The following ZMYND8 variants were observed in gnomAD, a reference collection of about 807,000 sequenced individuals.
ZMYND8 encodes MYND-type zinc finger-containing chromatin reader ZMYND8.
A neutral mutation model predicts 140.8 loss-of-function variants in ZMYND8; 37 were observed. The ratio of observed to expected loss-of-function variants is 0.26; its 90% CI spans 0.20 to 0.35. ZMYND8 has a LOEUF of 0.35. Among genes scored for constraint, ZMYND8 ranks in the 10% least tolerant of loss-of-function variants. The probability of loss-of-function intolerance (pLI) is 1.00; values close to 1 mark genes in which losing one functional copy is unlikely to be tolerated. For missense variants in ZMYND8, 1,068 were observed against 1,570.0 expected (o/e 0.68, Z 5.40); for synonymous variants, 592 against 597.1 (o/e 0.99, Z 0.12).
At chr20:47,279,362 C>T (rs948705660) in intron 10 of ZMYND8, among the ~76,000 whole-genome samples, 1 of 151,984 alleles carries the variant, frequency 6.6e-6, no homozygotes, top group African/African-American at 2.4e-5. Context: ...ACCAGCTACT[C>T]AGGAGGCAGA....
At chr20:47,290,475 A>G (rs1346224232) in intron 6 of ZMYND8, among the ~76,000 whole-genome samples, 1 of 152,156 alleles carries the variant, frequency 6.6e-6, no homozygotes, top group Non-Finnish European at 1.5e-5. Context: ...ATAACCCTAT[A>G]AAAATGCACT....
At chr20:47,255,593 T>G (rs2074549813) in intron 12 of ZMYND8, among the ~76,000 whole-genome samples, 1 of 132,258 alleles carries the variant, frequency 7.6e-6, no homozygotes, top group Admixed American at 7.6e-5. Flanking sequence ...TGTGTGTGTG[T>G]GTATATATAT....
In ZMYND8 at chr20:47,214,987, G is replaced by A. The variant is rs1297630405; in HGVS notation, c.3485-2262C>T. Among the ~76,000 whole-genome samples the A allele has an allele frequency of 2.0e-5, 3 of 152,216 alleles. No individual in the cohort carries two copies. In the East Asian group the frequency reaches 5.8e-4, roughly 29 times the overall value. ...GATCCCAGCTACTCAAGAGGCTGAA[G>A]TGGGAGAATGGCTTGAGCTCAGGCC... On this transcript the variant is annotated intron_variant, in intron 21 of 22. Transcript: ENST00000471951.
In ZMYND8 at chr20:47,210,603, T is replaced by C; in HGVS notation, c.*158A>G. The C allele has an allele frequency of 9.1e-7, 1 of 1,094,018 alleles. No individual in the cohort carries two copies. The highest frequency in any genetic ancestry group is 1.4e-5 in the South Asian group (1 of 73,754). 67.8% of individuals were successfully genotyped at this position (1,094,018 alleles called of 1,614,324 possible). A position where few individuals can be genotyped will look rare whatever the true frequency, so the allele number is the denominator to read the frequency against. ...GTCAAAGCCGATGCTGGGTGTCCTGTAGTGTAGCAGCCCCCGCGCCGGGGG... is the reference window on the plus strand; with the variant it reads ...GTCAAAGCCGATGCTGGGTGTCCTGCAGTGTAGCAGCCCCCGCGCCGGGGG... On this transcript the variant is annotated 3_prime_UTR_variant, in exon 23 of 23. Transcript: ENST00000471951.
rs115789609 is a variant in ZMYND8, at chr20:47,269,747, G to A, written c.1480+6567C>T. Among the ~76,000 whole-genome samples, 341 of 152,284 alleles carry A rather than the reference G, an allele frequency of 2.2e-3. 2 individuals are homozygous for A. Among genetic ancestry groups the A allele is most frequent in the African/African-American group, 7.9e-3 (329 of 41,576 alleles). ...GCACTCTGGGTGGGGTGGAAAGGCAGAGTGAATGATTCACGCTAAATGTCC... is the reference window on the plus strand; with the variant it reads ...GCACTCTGGGTGGGGTGGAAAGGCAAAGTGAATGATTCACGCTAAATGTCC... On this transcript the variant is annotated intron_variant, in intron 11 of 22. Transcript: ENST00000471951.
At chr20:47,280,951 A>C in intron 10 of ZMYND8, among the ~76,000 whole-genome samples, 1 of 151,798 alleles carries the variant, frequency 6.6e-6, no homozygotes, top group Non-Finnish European at 1.5e-5. Context: ...CCAGGCCCCC[A>C]CCACTACCTC....
At chr20:47,276,213 C>A (rs1226381417) in intron 11 of ZMYND8, 101 bp downstream of exon 11, 3 of 1,408,164 alleles carry the variant, frequency 2.1e-6, no homozygotes, top group Middle Eastern at 2.7e-4. Flanking sequence ...CAGTTCCCCA[C>A]GATTGCTTGA....
At position 47,236,314 on chromosome 20, in the gene ZMYND8, C is replaced by T; in HGVS notation, c.2856+12G>A. On this transcript the variant is annotated intron_variant, in intron 16 of 22. Coordinates refer to ENST00000471951, the MANE Select transcript of ZMYND8 (RefSeq NM_001281775.3). ...GTCTGCCATCTCCACGGTAGCTCTC[C>T]CATCCACTCACTTTGCTAGTGTACT... 1 of 1,614,168 alleles carries T rather than the reference C, an allele frequency of 6.2e-7. No homozygotes were observed. The highest frequency in any genetic ancestry group is 8.5e-7 in the Non-Finnish European group (1 of 1,180,006).
At chr20:47,263,968 T>G (rs2075326883) in intron 11 of ZMYND8, among the ~76,000 whole-genome samples, 1 of 151,900 alleles carries the variant, frequency 6.6e-6, no homozygotes, top group African/African-American at 2.4e-5. Context: ...CAGGGCACAC[T>G]GGGCATTGCA....
rs539074813 is a variant in ZMYND8, at chr20:47,269,417, G to T, written c.1480+6897C>A. 8.0e-4 allele frequency among the ~76,000 whole-genome samples: 122 copies of T among 152,280 alleles called. 1 individual carries two copies. The highest frequency in any genetic ancestry group is 7.2e-4 in the Non-Finnish European group (49 of 68,012). ...GAAAAACCTGCTTCGAATCACTCCAGACATTTCAAAAGCAAAAAGACTTGG... is the reference window on the plus strand; with the variant it reads ...GAAAAACCTGCTTCGAATCACTCCATACATTTCAAAAGCAAAAAGACTTGG... On this transcript the variant is annotated intron_variant, in intron 11 of 22. Transcript: ENST00000471951.
chr20:47,311,136 T>C (rs1183723179), intron 2 of ZMYND8, among the ~76,000 whole-genome samples: 2 of 152,246 alleles, frequency 1.3e-5, no homozygotes, highest in African/African-American at 4.8e-5. Flanking sequence ...TGAACTGTAA[T>C]TGTGTGGAAA....
At chr20:47,302,780 T>C (rs2078162357) in intron 3 of ZMYND8, among the ~76,000 whole-genome samples, 1 of 152,130 alleles carries the variant, frequency 6.6e-6, no homozygotes, top group Admixed American at 6.5e-5. Flanking sequence ...GAGAACATTA[T>C]CTGCAATGCA....
intron 3 of ZMYND8, among the ~76,000 whole-genome samples, chr20:47,308,816 T>C (rs1275687363): frequency 6.6e-6 from 1 of 152,130 alleles, no homozygotes; most frequent in Non-Finnish European, 1.5e-5. Context: ...CACACACCTC[T>C]CACAGGCCTG....
chr20:47,300,622 G>A (rs572148451), intron 3 of ZMYND8, among the ~76,000 whole-genome samples: 3 of 152,182 alleles, frequency 2.0e-5, no homozygotes, highest in Admixed American at 2.0e-4. Flanking sequence ...ACTTTAACAC[G>A]ACTTTTCTTT....
chr20:47,268,290 CTTT>C (rs561765484), intron 11 of ZMYND8, among the ~76,000 whole-genome samples: 4 of 107,326 alleles, frequency 3.7e-5, no homozygotes, highest in African/African-American at 4.0e-5. Flanking sequence ...AACCCCGTCT[CTTT>C]TTTTTTTTTT....
rs2079922566 is a variant in ZMYND8, at chr20:47,321,240, C to A, written c.86-11036G>T. Among the ~76,000 whole-genome samples, 3 of 152,196 alleles carry A rather than the reference C, an allele frequency of 2.0e-5. No homozygotes were observed. In the South Asian group the frequency reaches 6.2e-4, roughly 32 times the overall value. Reference sequence around the variant, plus strand: ...TGTATCCCTTGTACCCGGCATACAGCAGGAGCTCAGTACACGCCCCCATCA... The same window carrying A: ...TGTATCCCTTGTACCCGGCATACAGAAGGAGCTCAGTACACGCCCCCATCA... On this transcript the variant is annotated intron_variant, in intron 2 of 22. Transcript: ENST00000471951.
intron 2 of ZMYND8, among the ~76,000 whole-genome samples, chr20:47,340,324 A>G (rs2081747042): frequency 6.6e-6 from 1 of 152,146 alleles, no homozygotes; most frequent in Non-Finnish European, 1.5e-5. Flanking sequence ...AGGGGTGCTT[A>G]AAGAGGGAAC....
intron 2 of ZMYND8, among the ~76,000 whole-genome samples, chr20:47,322,438 CTTTT>C (rs1166725847): frequency 8.3e-6 from 1 of 120,766 alleles, no homozygotes; most frequent in Non-Finnish European, 1.8e-5. Context: ...GATGGCATTT[CTTTT>C]TTTTTTTTTT....
chr20:47,229,729 A>C lies in ZMYND8; in HGVS notation c.2934T>G (p.Ala978=), dbSNP rs2038213139. Residue 978 remains alanine (A), a synonymous_variant, in exon 17 of 23, where the codon GCT becomes GCG. Transcript: ENST00000471951. ...AAATTCATGTGTCATCTCTGACCTC[A>C]GCTATTGTGCTTCCAGTAGTGTTTT... ...LSKNTTGSTI[A]EIRRLRIEIE... 1 of 1,613,178 alleles carries C rather than the reference A, an allele frequency of 6.2e-7. No homozygotes were observed. The highest frequency in any genetic ancestry group is 8.5e-7 in the Non-Finnish European group (1 of 1,179,498).
Sources: allele counts gnomAD v4.1 joint callset (sites outside exome capture counted in the v4.1 genomes callset), GRCh38; gene constraint gnomAD v4.1.1; transcripts MANE v1.5; gene names NCBI Gene and HGNC (gene_info 2026-07-23, HGNC 2026-07-21).